Variants in CCDC148 observed in about 807,000 individuals in gnomAD.
CCDC148 encodes coiled-coil domain containing 148, also known as coiled-coil domain-containing protein 148.
CCDC148 carries 89 observed loss-of-function variants against 85.7 expected under a neutral mutation model. That is an observed-to-expected ratio of 1.04 (90% confidence interval 0.87 to 1.24). CCDC148 has a LOEUF of 1.24. Ranked by LOEUF, CCDC148 falls within the 50% of genes most tolerant of loss-of-function variation. CCDC148 has a pLI of 0.00. For missense variants in CCDC148, 692 were observed against 671.7 expected (o/e 1.03, Z -0.33); for synonymous variants, 230 against 213.9 (o/e 1.08, Z -0.66).
chr2:158,282,683 T>C (rs373746470), intron 9 of CCDC148, among the ~76,000 whole-genome samples: 114 of 152,208 alleles, frequency 7.5e-4, no homozygotes, highest in Non-Finnish European at 1.3e-3. Flanking sequence ...GAATCAATAT[T>C]GTGAAAATGG....
intron 1 of CCDC148, among the ~76,000 whole-genome samples, chr2:158,376,300 A>G (rs963137452): frequency 1.3e-5 from 2 of 152,114 alleles, no homozygotes; most frequent in African/African-American, 2.4e-5. Flanking sequence ...AGGGAAAGAA[A>G]AAAATCCTCA....
At chr2:158,367,021 C>G (rs56091701) in intron 1 of CCDC148, among the ~76,000 whole-genome samples, 6,524 of 152,174 alleles carry the variant, frequency 0.043, 221 homozygotes, top group East Asian at 0.16. Context: ...ATAGCCTCCC[C>G]CTCCCTACCA....
At chr2:158,202,942 G>A (rs914105402) in intron 11 of CCDC148, among the ~76,000 whole-genome samples, 2 of 152,146 alleles carry the variant, frequency 1.3e-5, no homozygotes, top group African/African-American at 4.8e-5. Context: ...TCTCTTAGAT[G>A]GTGTGACAGG....
chr2:158,365,920 A>C lies in CCDC148; in HGVS notation c.26-7350T>G, dbSNP rs935130829. The stretch of plus-strand genomic sequence containing the variant: ...CCAGAAAGTGAGCTTTCCATTATTA[A>C]AATTTTGAAAAATCAACATTCCAAT... On this transcript the variant is annotated intron_variant, in intron 1 of 13. Coordinates refer to ENST00000283233, the MANE Select transcript of CCDC148 (RefSeq NM_138803.4). 15 of 891,774 alleles carry C rather than the reference A, an allele frequency of 1.7e-5. No homozygotes were observed. In the African/African-American group the frequency reaches 2.5e-4, roughly 15 times the overall value. The allele number at this position is 891,774 out of a possible 1,614,324, so 55.2% of individuals were successfully genotyped here. A position where few individuals can be genotyped will look rare whatever the true frequency, so the allele number is the denominator to read the frequency against.
intron 8 of CCDC148, among the ~76,000 whole-genome samples, chr2:158,313,179 T>A (rs1374278550): frequency 6.6e-6 from 1 of 152,222 alleles, no homozygotes; most frequent in East Asian, 1.9e-4. Context: ...AATGAAACAA[T>A]AAAACAGTAA....
intron 1 of CCDC148, among the ~76,000 whole-genome samples, chr2:158,429,075 G>A (rs1291713136): frequency 7.0e-6 from 1 of 142,826 alleles, no homozygotes; most frequent in Non-Finnish European, 1.5e-5. Context: ...TCATATGTGG[G>A]AATTGAACAA....
chr2:158,309,456 A>C lies in CCDC148; in HGVS notation c.1087T>G (p.Leu363Val). 6.2e-7 allele frequency: 1 copy of C among 1,614,040 alleles called. No homozygotes were observed. Among genetic ancestry groups the C allele is most frequent in the Non-Finnish European group, 8.5e-7 (1 of 1,179,958 alleles). The change falls in exon 9 of 14, where the codon TTG becomes GTG. Residue 363 changes from leucine (L) to valine (V), a missense_variant. Coordinates refer to ENST00000283233, the MANE Select transcript of CCDC148 (RefSeq NM_138803.4). ...LAKDKKKQQE[L>V]CADLKAKVRQ... ...ACCTTGGCTTTCAGATCAGCACACA[A>C]TTCCTGTTGCTTTTTCTTGTCCTTA... is the stretch of plus-strand genomic sequence containing the variant.
intron 7 of CCDC148, among the ~76,000 whole-genome samples, chr2:158,322,498 A>G (rs1320191679): frequency 6.6e-6 from 1 of 152,072 alleles, no homozygotes; most frequent in Non-Finnish European, 1.5e-5. Context: ...TGAAATATAT[A>G]AAATGTTACC....
At chr2:158,409,146 T>C (rs534808067) in intron 1 of CCDC148, among the ~76,000 whole-genome samples, 1 of 152,296 alleles carries the variant, frequency 6.6e-6, no homozygotes, top group Admixed American at 6.5e-5. Flanking sequence ...GCTAGGGCAG[T>C]GCAGAAGGGA....
intron 1 of CCDC148, among the ~76,000 whole-genome samples, chr2:158,397,750 T>A (rs774462708): frequency 2.0e-5 from 3 of 152,072 alleles, no homozygotes; most frequent in Non-Finnish European, 4.4e-5. Flanking sequence ...GCTAACATCA[T>A]AATGACAGGA....
chr2:158,281,896 G>A (rs1417725560), intron 9 of CCDC148, among the ~76,000 whole-genome samples: 6 of 151,916 alleles, frequency 3.9e-5, no homozygotes, highest in Non-Finnish European at 8.8e-5. Context: ...CTGGCAAACC[G>A]AATCCAGCAG....
intron 7 of CCDC148, among the ~76,000 whole-genome samples, chr2:158,314,842 TAA>T (rs1303776468): frequency 6.6e-6 from 1 of 152,236 alleles, no homozygotes; most frequent in East Asian, 1.9e-4. Flanking sequence ...TCTTATACTT[TAA>T]GTTAACTGTG....
chr2:158,275,767 T>C lies in CCDC148; in HGVS notation c.1111-24855A>G, dbSNP rs560363494. Among the ~76,000 whole-genome samples the C allele has an allele frequency of 3.9e-5, 6 of 151,996 alleles. No individual in the cohort carries two copies. The South Asian group carries it at 8.3e-4, about 21-fold the overall frequency. On this transcript the variant is annotated intron_variant, in intron 9 of 13. Transcript: ENST00000283233. ...AAAAAAAACTCTGGAGAAATTACTATTGCTTTGGAAGAGTGTAAGTAGTCA... is the reference window on the plus strand; with the variant it reads ...AAAAAAAACTCTGGAGAAATTACTACTGCTTTGGAAGAGTGTAAGTAGTCA...
chr2:158,424,371 G>A (rs970263139), intron 1 of CCDC148, among the ~76,000 whole-genome samples: 59 of 152,090 alleles, frequency 3.9e-4, no homozygotes, highest in Non-Finnish European at 7.5e-4. Flanking sequence ...TATACACCAT[G>A]GAATACTATG....
intron 9 of CCDC148, among the ~76,000 whole-genome samples, chr2:158,259,473 T>A (rs969162095): frequency 1.1e-4 from 16 of 151,956 alleles, no homozygotes; most frequent in African/African-American, 3.9e-4. Flanking sequence ...AAAGCAAATG[T>A]GATATACAAA....
chr2:158,179,028 A>C (rs1322953604), intron 11 of CCDC148, 32 bp from the exon 12 acceptor site: 3 of 1,510,038 alleles, frequency 2.0e-6, no homozygotes, highest in Non-Finnish European at 2.8e-6. Flanking sequence ...AAGTTGTGGA[A>C]GCATCATAAT....
intron 1 of CCDC148, among the ~76,000 whole-genome samples, chr2:158,416,715 T>C (rs1273789884): frequency 6.6e-6 from 1 of 152,184 alleles, no homozygotes; most frequent in East Asian, 1.9e-4. Context: ...TCTGTCTTCT[T>C]CTGAGCCCTC....
intron 1 of CCDC148, among the ~76,000 whole-genome samples, chr2:158,404,470 T>C (rs1005829970): frequency 6.6e-6 from 1 of 152,110 alleles, no homozygotes; most frequent in Non-Finnish European, 1.5e-5. Context: ...GGTGATATGA[T>C]CACACAAGAG....
At chr2:158,421,967 G>C (rs189055662) in intron 1 of CCDC148, among the ~76,000 whole-genome samples, 1 of 151,990 alleles carries the variant, frequency 6.6e-6, no homozygotes, top group Non-Finnish European at 1.5e-5. Context: ...ACACCTCTAT[G>C]CAAATAAACT....
Sources: allele counts gnomAD v4.1 joint callset (sites outside exome capture counted in the v4.1 genomes callset), GRCh38; gene constraint gnomAD v4.1.1; transcripts MANE v1.5; gene names NCBI Gene and HGNC (gene_info 2026-07-23, HGNC 2026-07-21).